Variants in IQCK observed in about 807,000 individuals in gnomAD.
IQCK encodes the protein IQ domain-containing protein K.
In IQCK, 29 loss-of-function variants were observed where a neutral mutation model predicts 28.1. The observed-to-expected ratio is 1.03, with a 90% CI of 0.77 to 1.41. The LOEUF (loss-of-function observed/expected upper bound fraction) is 1.41, where lower values mean the gene tolerates loss of function less well. IQCK is among the 40% of genes most tolerant of loss of function. The pLI, the probability that IQCK is intolerant of heterozygous loss-of-function variation, is 0.00. For missense variants in IQCK, 359 were observed against 314.7 expected, an observed-to-expected ratio of 1.14 and a Z score of -1.07; for synonymous variants, 113 against 115.1, an observed-to-expected ratio of 0.98 and a Z score of 0.12.
At chr16:19,744,964 G>A (rs1162641955) in intron 4 of IQCK, among the ~76,000 whole-genome samples, 1 of 152,196 alleles carries the variant, frequency 6.6e-6, no homozygotes, top group South Asian at 2.1e-4. Context: ...AAAGGTAACA[G>A]AATGCAGATA....
intron 9 of IQCK, among the ~76,000 whole-genome samples, chr16:19,848,235 T>G (rs760845334): frequency 3.7e-4 from 56 of 152,338 alleles, no homozygotes; most frequent in Non-Finnish European, 7.2e-4. Flanking sequence ...TTTAATTTCC[T>G]TAATGACTAA....
intron 9 of IQCK, among the ~76,000 whole-genome samples, chr16:19,835,506 G>A (rs554935564): frequency 6.6e-6 from 1 of 151,646 alleles, no homozygotes; most frequent in African/African-American, 2.4e-5. Context: ...TAGTTGGCTT[G>A]TATTATGAAC....
chr16:19,804,381 T>C (rs965831793), intron 7 of IQCK, among the ~76,000 whole-genome samples: 1 of 151,976 alleles, frequency 6.6e-6, no homozygotes, highest in African/African-American at 2.4e-5. Context: ...TGAGGTTCTA[T>C]TTCCTAAACA....
At chr16:19,721,082 T>G (rs969606344) in intron 1 of IQCK, among the ~76,000 whole-genome samples, 4 of 152,032 alleles carry the variant, frequency 2.6e-5, no homozygotes, top group African/African-American at 9.7e-5. Flanking sequence ...TGATGAGTAT[T>G]ATAACAGATG....
intron 4 of IQCK, 86 bp from the exon 5 acceptor site, chr16:19,763,762 A>T: frequency 9.4e-7 from 1 of 1,064,864 alleles, no homozygotes; most frequent in South Asian, 1.3e-5. Context: ...CTTTATTGAA[A>T]AAAGTCATGT....
chr16:19,730,551 G>A (rs575033382), intron 2 of IQCK, 57 bp downstream of exon 2: 1 of 1,326,516 alleles, frequency 7.5e-7, no homozygotes. Context: ...GAATAGCATT[G>A]ATGGCCTGTG....
At chr16:19,826,817 A>T (rs553848364) in intron 7 of IQCK, among the ~76,000 whole-genome samples, 1 of 152,338 alleles carries the variant, frequency 6.6e-6, no homozygotes, top group Admixed American at 6.5e-5. Context: ...TTCTTAACCT[A>T]CTATTACTAT....
intron 7 of IQCK, among the ~76,000 whole-genome samples, chr16:19,824,268 T>A (rs2056114150): frequency 6.6e-6 from 1 of 152,248 alleles, no homozygotes; most frequent in South Asian, 2.1e-4. Flanking sequence ...TAGATTCTCA[T>A]AAGGAACATG....
At chr16:19,793,683 A>T (rs2055658387) in intron 7 of IQCK, among the ~76,000 whole-genome samples, 1 of 88,494 alleles carries the variant, frequency 1.1e-5, no homozygotes, top group East Asian at 3.6e-4. Flanking sequence ...TGTGAAATTA[A>T]CAAGCCAGTC....
intron 4 of IQCK, among the ~76,000 whole-genome samples, chr16:19,753,179 G>A (rs1416703659): frequency 1.3e-5 from 2 of 151,736 alleles, no homozygotes; most frequent in Non-Finnish European, 2.9e-5. Flanking sequence ...ATTTCGAGAT[G>A]CCAAGGCAGA....
At chr16:19,835,559 G>A (rs1490248490) in intron 9 of IQCK, among the ~76,000 whole-genome samples, 2 of 150,956 alleles carry the variant, frequency 1.3e-5, no homozygotes, top group Non-Finnish European at 3.0e-5. Context: ...TAGCTTGCTT[G>A]TAGAAGTATT....
chr16:19,812,958 CAG>C (rs1272974195), intron 7 of IQCK, among the ~76,000 whole-genome samples: 1 of 152,238 alleles, frequency 6.6e-6, no homozygotes, highest in East Asian at 1.9e-4. Context: ...CAGTCACCTG[CAG>C]AGTTTGGTAA....
At chr16:19,804,571 G>A (rs1204963648) in intron 7 of IQCK, among the ~76,000 whole-genome samples, 1 of 151,874 alleles carries the variant, frequency 6.6e-6, no homozygotes, top group Admixed American at 6.6e-5. Flanking sequence ...CCAAGTAGCT[G>A]GGACCACAGC....
rs776636595 is a variant in IQCK at position 19,718,308 on chromosome 16, TGGC to T, written c.6_8del (p.Ala3?). ...GCGGTTACCGTGGAAACCGCGGCCATGGCGGCACCGCGGCAAATCCCCAGCCAC... is the reference window on the plus strand; with the variant it reads ...GCGGTTACCGTGGAAACCGCGGCCATGGCACCGCGGCAAATCCCCAGCCAC... On this transcript the variant is annotated start_lost and inframe_deletion, in exon 1 of 8. Transcript: ENST00000564186. 5.0e-6 allele frequency: 8 copies of T among 1,604,414 alleles called. No homozygotes were observed. In the African/African-American group the frequency reaches 6.7e-5, roughly 13 times the overall value.
intron 6 of IQCK, among the ~76,000 whole-genome samples, chr16:19,783,180 G>A (rs1190366621): frequency 6.6e-6 from 1 of 152,026 alleles, no homozygotes; most frequent in African/African-American, 2.4e-5. Flanking sequence ...TGTGTTTTTA[G>A]TAGAGATGAA....
At chr16:19,758,970 AAAGAG>A (rs1377669185) in intron 4 of IQCK, among the ~76,000 whole-genome samples, 1 of 152,208 alleles carries the variant, frequency 6.6e-6, no homozygotes, top group Non-Finnish European at 1.5e-5. Flanking sequence ...ATTTCAAACT[AAAGAG>A]GAAGAAAGAA....
intron 7 of IQCK, among the ~76,000 whole-genome samples, chr16:19,813,579 G>A (rs1341295906): frequency 2.6e-5 from 4 of 152,136 alleles, no homozygotes; most frequent in African/African-American, 9.7e-5. Flanking sequence ...CCATTCAAGA[G>A]CAAGGGCTAT....
chr16:19,758,921 C>T (rs1257648545), intron 4 of IQCK, among the ~76,000 whole-genome samples: 2 of 152,074 alleles, frequency 1.3e-5, no homozygotes, highest in African/African-American at 2.4e-5. Context: ...TCACAACAAT[C>T]GTTTCAACCT....
At chr16:19,846,847 C>T (rs890397155) in intron 9 of IQCK, among the ~76,000 whole-genome samples, 2 of 151,076 alleles carry the variant, frequency 1.3e-5, no homozygotes, top group African/African-American at 2.4e-5. Context: ...CTGTATTCTT[C>T]GAATTTTCTA....
Sources: gnomAD v4.1 joint callset for allele counts (sites outside exome capture counted in the v4.1 genomes callset) on GRCh38, gnomAD v4.1.1 for gene constraint, MANE v1.5 for transcripts, NCBI Gene and HGNC (gene_info 2026-07-23, HGNC 2026-07-21) for gene names.